Variants in POLR3B observed in about 807,000 individuals in gnomAD.
The protein encoded by POLR3B is RNA polymerase III subunit B.
POLR3B carries 96 observed loss-of-function variants against 147.4 expected under a neutral mutation model. The observed-to-expected ratio is 0.65, with a 90% CI of 0.55 to 0.77. The LOEUF (loss-of-function observed/expected upper bound fraction) is 0.77. Among genes scored for constraint, POLR3B ranks in the 30% least tolerant of loss-of-function variants. The probability of loss-of-function intolerance (pLI) is 0.00; values close to 1 mark genes in which losing one functional copy is unlikely to be tolerated. For synonymous variants in POLR3B, 461 were observed against 485.9 expected (o/e 0.95, Z 0.67); for missense variants, 1,036 against 1,413.5 (o/e 0.73, Z 4.28).
At chr12:106,500,080 C>T (rs757217314) in intron 25 of POLR3B, 9 of 455,880 alleles carry the variant, frequency 2.0e-5, no homozygotes, top group South Asian at 1.1e-4. Context: ...TCTGACCTGT[C>T]GGGCGCTCTG....
Position 106,380,154 on chromosome 12 carries a change from C to G in POLR3B, c.723+15C>G, listed in dbSNP as rs2036740149. On this transcript the variant is annotated intron_variant, in intron 9 of 27. Coordinates refer to ENST00000228347, the MANE Select transcript of POLR3B (RefSeq NM_018082.6). ...TCATATTTAAGGTAAAGCTGCAGCT[C>G]TCTTCTGAAAATTGTAAGAATTCTT... 1 of 1,354,798 alleles carries G rather than the reference C, an allele frequency of 7.4e-7. No individual in the cohort carries two copies. Among genetic ancestry groups the G allele is most frequent in the Non-Finnish European group, 1.1e-6 (1 of 944,060 alleles). The allele number at this position is 1,354,798 out of a possible 1,614,324, so 83.9% of individuals were successfully genotyped here.
chr12:106,371,489 C>T (rs1372339052), intron 6 of POLR3B, among the ~76,000 whole-genome samples: 3 of 151,862 alleles, frequency 2.0e-5, no homozygotes, highest in Admixed American at 6.6e-5. Flanking sequence ...CACATGCACA[C>T]GTATGTTTAT....
chr12:106,440,609 A>G (rs2037637433), intron 18 of POLR3B, among the ~76,000 whole-genome samples: 1 of 151,990 alleles, frequency 6.6e-6, no homozygotes, highest in Non-Finnish European at 1.5e-5. Flanking sequence ...ACATACCTGC[A>G]TGGCTCACTG....
chr12:106,483,201 G>T (rs138663685), intron 23 of POLR3B, among the ~76,000 whole-genome samples: 83 of 152,254 alleles, frequency 5.5e-4, no homozygotes, highest in African/African-American at 1.9e-3. Context: ...CTGTATTTTC[G>T]ATTCATATCT....
intron 6 of POLR3B, among the ~76,000 whole-genome samples, chr12:106,370,436 A>G (rs1016862655): frequency 6.6e-6 from 1 of 152,128 alleles, no homozygotes; most frequent in African/African-American, 2.4e-5. Flanking sequence ...TTATGGCACC[A>G]TTTGGTAAGG....
intron 1 of POLR3B, among the ~76,000 whole-genome samples, chr12:106,358,415 G>A (rs1456358932): frequency 6.6e-6 from 1 of 152,168 alleles, no homozygotes; most frequent in Non-Finnish European, 1.5e-5. Flanking sequence ...TCCAGTTTGG[G>A]TTGCAGGGGA....
At chr12:106,483,587 T>C (rs570602500) in intron 23 of POLR3B, among the ~76,000 whole-genome samples, 1 of 152,356 alleles carries the variant, frequency 6.6e-6, no homozygotes, top group South Asian at 2.1e-4. Flanking sequence ...GAAAAGTCCT[T>C]TTAGAAGTCC....
chr12:106,505,727 T>C (rs1337848564), intron 27 of POLR3B, among the ~76,000 whole-genome samples: 5 of 152,146 alleles, frequency 3.3e-5, no homozygotes, highest in Non-Finnish European at 7.4e-5. Flanking sequence ...ATCCCCAAGA[T>C]AGAGTTAGGC....
intron 10 of POLR3B, among the ~76,000 whole-genome samples, chr12:106,403,160 G>A (rs1258879115): frequency 3.3e-5 from 5 of 151,950 alleles, no homozygotes; most frequent in Non-Finnish European, 7.4e-5. Context: ...GATATGAACC[G>A]ACACTTCTCA....
At chr12:106,377,256 T>G (rs763699825) in intron 7 of POLR3B, among the ~76,000 whole-genome samples, 1 of 152,236 alleles carries the variant, frequency 6.6e-6, no homozygotes, top group Non-Finnish European at 1.5e-5. Context: ...AAGTTTCTCT[T>G]AGTTCTTTAA....
intron 23 of POLR3B, among the ~76,000 whole-genome samples, chr12:106,488,622 G>A (rs1339771278): frequency 6.6e-6 from 1 of 152,090 alleles, no homozygotes; most frequent in Non-Finnish European, 1.5e-5. Flanking sequence ...ATGTGTTGCT[G>A]TATATTCTAA....
rs546671987 is a variant in POLR3B, at chr12:106,447,776, C to T, written c.2083+3186C>T. Among the ~76,000 whole-genome samples the T allele has an allele frequency of 6.6e-5, 10 of 152,344 alleles. No homozygotes were observed. In the East Asian group the frequency reaches 9.6e-4, roughly 15 times the overall value. On this transcript the variant is annotated intron_variant, in intron 19 of 27. Transcript: ENST00000228347. ...AATATGCAGCACAGACCTTCCCAGA[C>T]CTCAACAGTGGCTTCTTCTCACTAC...
chr12:106,431,485 T>C (rs1176673273), intron 14 of POLR3B, among the ~76,000 whole-genome samples: 2 of 152,218 alleles, frequency 1.3e-5, no homozygotes, highest in Non-Finnish European at 2.9e-5. Context: ...CTATTTGCTA[T>C]ATTCTGTCCT....
rs1471170491 is a variant in POLR3B, at chr12:106,432,337, A to T, written c.1484A>T (p.Asn495Ile). 6.2e-7 allele frequency: 1 copy of T among 1,613,704 alleles called. No homozygotes were observed. The highest frequency in any genetic ancestry group is 8.5e-7 in the Non-Finnish European group (1 of 1,179,758). The change falls in exon 15 of 28, where the codon AAC becomes ATC. Residue 495 changes from asparagine (N) to isoleucine (I), a missense_variant. Around this residue, in one of 12 missense-constraint regions of POLR3B, gnomAD observed 177 missense variants for 232.7 expected, o/e 0.76. Coordinates refer to ENST00000228347, the MANE Select transcript of POLR3B (RefSeq NM_018082.6). ...PEGEACGLVK[N>I]LALMTHITTD... Reference sequence around the variant, plus strand: ...TTTTAGGCATGTGGTTTGGTTAAAAACTTGGCCCTTATGACACACATCACA... The same window carrying T: ...TTTTAGGCATGTGGTTTGGTTAAAATCTTGGCCCTTATGACACACATCACA...
intron 12 of POLR3B, among the ~76,000 whole-genome samples, chr12:106,425,745 C>T (rs1370539264): frequency 6.6e-6 from 1 of 152,146 alleles, no homozygotes; most frequent in Non-Finnish European, 1.5e-5. Context: ...TGGCAGTCCA[C>T]ATTTGGCCTT....
chr12:106,463,531 C>T lies in POLR3B; in HGVS notation c.2624C>T (p.Ala875Val), dbSNP rs1177139309. ...GAAAAAGTGATGATATCTTCAAATG[C>T]TGAAGATGCTTTTCTGATCAAAATG... The part of the protein sequence containing the change: ...YIEKVMISSN[A>V]EDAFLIKMLL... Residue 875 changes from alanine to valine, a missense_variant, in exon 23 of 28, where the codon GCT becomes GTT. Coordinates refer to ENST00000228347, the MANE Select transcript of POLR3B (RefSeq NM_018082.6). 23 of 1,609,952 alleles carry T rather than the reference C, an allele frequency of 1.4e-5. No homozygotes were observed. The highest frequency in any genetic ancestry group is 2.7e-5 in the African/African-American group (2 of 74,842).
intron 23 of POLR3B, among the ~76,000 whole-genome samples, chr12:106,485,059 T>G (rs2038319480): frequency 6.6e-6 from 1 of 152,214 alleles, no homozygotes; most frequent in South Asian, 2.1e-4. Flanking sequence ...TGGTCCATTT[T>G]CTGCTGCTAT....
At chr12:106,407,761 G>A (rs2704902) in intron 11 of POLR3B, among the ~76,000 whole-genome samples, 1 of 151,998 alleles carries the variant, frequency 6.6e-6, no homozygotes, top group South Asian at 2.1e-4. Flanking sequence ...ACTGGGAGGC[G>A]GAGGTAGCAG....
In POLR3B at chr12:106,437,048, C is replaced by G. The variant is rs569697211; in HGVS notation, c.1782-9C>G. ...CTATTATTAATTTGGTTTGCTGTTT[C>G]CATTCTAGACCCTACATAATTGTCA... On this transcript the variant is annotated splice_polypyrimidine_tract_variant and intron_variant, in intron 16 of 27. Transcript: ENST00000228347. The G allele has an allele frequency of 9.3e-6, 15 of 1,610,012 alleles. No individual in the cohort carries two copies. In the South Asian group the frequency reaches 1.3e-4, roughly 14 times the overall value.
Sources: gnomAD v4.1 joint callset for allele counts (sites outside exome capture counted in the v4.1 genomes callset) on GRCh38, gnomAD v4.1.1 for gene constraint, gnomAD v4.1.1 regional missense constraint, MANE v1.5 for transcripts, NCBI Gene and HGNC (gene_info 2026-07-23, HGNC 2026-07-21) for gene names.